PTPRD: variants seen among roughly 807,000 people sequenced by gnomAD.
PTPRD encodes the protein receptor-type tyrosine-protein phosphatase delta.
PTPRD carries 34 observed loss-of-function variants against 214.5 expected under a neutral mutation model. That is an observed-to-expected ratio of 0.16 (90% CI 0.12 to 0.21). PTPRD has a LOEUF of 0.21. PTPRD is among the 10% of genes least tolerant of loss of function. The pLI, the probability that PTPRD is intolerant of heterozygous loss-of-function variation, is 1.00. For missense variants in PTPRD, 2,545 were observed against 2,398.7 expected, an observed-to-expected ratio of 1.06 and a Z score of -1.27; for synonymous variants, 1,128 against 845.7, an observed-to-expected ratio of 1.33 and a Z score of -5.79.
rs1419778900 is a variant in PTPRD at position 9,983,124 on chromosome 9, G to A, written c.-471-44514C>T. On this transcript the variant is annotated intron_variant, in intron 4 of 45. Coordinates refer to ENST00000381196, the MANE Select transcript of PTPRD (RefSeq NM_002839.4). ...CGCTAGGGTACAGATAGGTGATTTG[G>A]ATGCAAATCAAATGTACCGATGCTA... Among the ~76,000 whole-genome samples the A allele has an allele frequency of 3.9e-5, 6 of 152,158 alleles. No individual in the cohort carries two copies. In the South Asian group the frequency reaches 1.2e-3, roughly 32 times the overall value.
At chr9:8,484,808 A>C (rs1432904084) in intron 29 of PTPRD, among the ~76,000 whole-genome samples, 1 of 152,180 alleles carries the variant, frequency 6.6e-6, no homozygotes, top group Non-Finnish European at 1.5e-5. Flanking sequence ...TTTCATAAAT[A>C]TGTACTTGCT....
intron 10 of PTPRD, among the ~76,000 whole-genome samples, chr9:9,024,325 T>C (rs181054053): frequency 1.5e-3 from 215 of 145,626 alleles, no homozygotes; most frequent in African/African-American, 5.1e-3. Context: ...GAAAAGGCTA[T>C]TGTCGATTCT....
chr9:9,166,815 A>T (rs1438356241), intron 10 of PTPRD, among the ~76,000 whole-genome samples: 1 of 152,138 alleles, frequency 6.6e-6, no homozygotes, highest in Admixed American at 6.5e-5. Flanking sequence ...CCCTCCTTCC[A>T]AAAAACTCCA....
At chr9:9,568,046 A>G (rs762815080) in intron 8 of PTPRD, among the ~76,000 whole-genome samples, 1 of 151,742 alleles carries the variant, frequency 6.6e-6, no homozygotes, top group Non-Finnish European at 1.5e-5. Context: ...GGACAAACCT[A>G]AGATAGGACA....
chr9:10,029,801 G>A (rs535881150), intron 4 of PTPRD, among the ~76,000 whole-genome samples: 1 of 152,176 alleles, frequency 6.6e-6, no homozygotes, highest in South Asian at 2.1e-4. Flanking sequence ...GGTCTGTTAG[G>A]AAGACATGAT....
intron 9 of PTPRD, among the ~76,000 whole-genome samples, chr9:9,292,607 T>C (rs1282032377): frequency 6.6e-6 from 1 of 151,612 alleles, no homozygotes; most frequent in African/African-American, 2.4e-5. Context: ...TATTGATAAA[T>C]TATTATTAAC....
chr9:9,245,743 C>T (rs1483959104), intron 9 of PTPRD, among the ~76,000 whole-genome samples: 1 of 152,122 alleles, frequency 6.6e-6, no homozygotes, highest in Non-Finnish European at 1.5e-5. Flanking sequence ...ACGTTGTGCA[C>T]ATGTACCCTA....
intron 10 of PTPRD, among the ~76,000 whole-genome samples, chr9:9,145,129 T>C (rs1199398146): frequency 6.6e-6 from 1 of 152,226 alleles, no homozygotes; most frequent in African/African-American, 2.4e-5. Context: ...ATATACTGTT[T>C]TTCCTTAAGA....
intron 9 of PTPRD, among the ~76,000 whole-genome samples, chr9:9,394,458 T>C (rs1202394808): frequency 6.6e-6 from 1 of 152,312 alleles, no homozygotes; most frequent in South Asian, 2.1e-4. Flanking sequence ...AGGACATGTA[T>C]TGTGTAGCCA....
At chr9:9,825,425 AGG>A (rs1244649738) in intron 5 of PTPRD, among the ~76,000 whole-genome samples, 1 of 151,326 alleles carries the variant, frequency 6.6e-6, no homozygotes, top group African/African-American at 2.4e-5. Flanking sequence ...AGAAAGAAAA[AGG>A]GAGAAAGGAG....
At chr9:10,088,604 T>C (rs1338388953) in intron 3 of PTPRD, among the ~76,000 whole-genome samples, 1 of 151,744 alleles carries the variant, frequency 6.6e-6, no homozygotes, top group African/African-American at 2.4e-5. Context: ...AACTGGAGTT[T>C]TACTGAACAC....
chr9:9,097,575 A>T (rs1290130189), intron 10 of PTPRD, among the ~76,000 whole-genome samples: 3 of 151,286 alleles, frequency 2.0e-5, no homozygotes, highest in South Asian at 2.1e-4. Context: ...TGCCAGGCTA[A>T]TTTTTTTTGT....
chr9:10,184,625 A>G (rs1038644103), intron 3 of PTPRD, among the ~76,000 whole-genome samples: 1 of 152,092 alleles, frequency 6.6e-6, no homozygotes, highest in Non-Finnish European at 1.5e-5. Flanking sequence ...TGAATAGTGG[A>G]ATTATGCCCA....
intron 10 of PTPRD, among the ~76,000 whole-genome samples, chr9:9,101,153 C>G (rs1245761258): frequency 6.6e-6 from 1 of 151,056 alleles, no homozygotes; most frequent in Non-Finnish European, 1.5e-5. Context: ...AGCAAATGAA[C>G]AATAATGATC....
chr9:10,130,001 G>A (rs552235607), intron 3 of PTPRD, among the ~76,000 whole-genome samples: 2 of 151,652 alleles, frequency 1.3e-5, no homozygotes, highest in South Asian at 4.2e-4. Context: ...AAATAATATT[G>A]CTGAAAATTA....
intron 7 of PTPRD, among the ~76,000 whole-genome samples, chr9:9,715,612 C>G (rs143333022): frequency 1.3e-3 from 200 of 152,152 alleles, no homozygotes; most frequent in African/African-American, 4.7e-3. Context: ...TGTGGAAACC[C>G]TCAACTTCAA....
intron 44 of PTPRD, 22 bp from the exon 45 acceptor site, chr9:8,319,988 T>A (rs766993903): frequency 1.9e-5 from 30 of 1,608,920 alleles, no homozygotes; most frequent in Non-Finnish European, 2.4e-5. Flanking sequence ...ACAAAGGCGA[T>A]GTTACTGGGT....
intron 12 of PTPRD, among the ~76,000 whole-genome samples, chr9:8,646,805 T>C (rs968579171): frequency 2.0e-5 from 3 of 152,202 alleles, no homozygotes; most frequent in Non-Finnish European, 2.9e-5. Context: ...CTATGAAGTC[T>C]TATAACTCCC....
chr9:9,471,629 T>C (rs1374238456), intron 8 of PTPRD, among the ~76,000 whole-genome samples: 1 of 152,204 alleles, frequency 6.6e-6, no homozygotes, highest in Non-Finnish European at 1.5e-5. Flanking sequence ...GATCAAGTTT[T>C]CTAATCTTAC....
Sources: allele counts gnomAD v4.1 joint callset (sites outside exome capture counted in the v4.1 genomes callset), GRCh38; gene constraint gnomAD v4.1.1; transcripts MANE v1.5; gene names NCBI Gene and HGNC (gene_info 2026-07-23, HGNC 2026-07-21).